Variants in RALGPS2 observed in about 807,000 individuals in gnomAD.
RALGPS2 encodes the protein Ral GEF with PH domain and SH3 binding motif 2.
RALGPS2 carries 43 observed loss-of-function variants against 86.8 expected under a neutral mutation model. The ratio of observed to expected loss-of-function variants is 0.50; its 90% confidence interval spans 0.39 to 0.64. The LOEUF is 0.64. Ranked by LOEUF, RALGPS2 falls within the 30% of genes least tolerant of loss-of-function variation. RALGPS2 has a pLI of 0.00. For synonymous variants in RALGPS2, 243 were observed against 231.3 expected (o/e 1.05, Z -0.46); for missense variants, 536 against 694.6 (o/e 0.77, Z 2.57).
At chr1:178,838,257 A>T (rs1048570053) in intron 8 of RALGPS2, among the ~76,000 whole-genome samples, 3 of 152,212 alleles carry the variant, frequency 2.0e-5, no homozygotes, top group African/African-American at 7.2e-5. Flanking sequence ...CAAGTAGCCT[A>T]ACTGGGAGAC....
intron 8 of RALGPS2, among the ~76,000 whole-genome samples, chr1:178,848,628 A>G (rs1175176629): frequency 4.6e-5 from 7 of 152,226 alleles, no homozygotes; most frequent in Non-Finnish European, 7.3e-5. Flanking sequence ...TAATGGATCA[A>G]TGTAATTTCA....
intron 6 of RALGPS2, 148 bp from the exon 7 acceptor site, chr1:178,821,464 C>T (rs138483382): frequency 1.7e-6 from 1 of 583,136 alleles, no homozygotes; most frequent in Non-Finnish European, 3.0e-6. Flanking sequence ...AGTGTAAACA[C>T]AGGGTACTCT....
intron 1 of RALGPS2, among the ~76,000 whole-genome samples, chr1:178,766,878 A>G (rs766656892): frequency 1.1e-4 from 16 of 152,196 alleles, no homozygotes; most frequent in South Asian, 2.1e-4. Context: ...AGGGATGCCA[A>G]TGAGTCGTAG....
rs116515510 is a variant in RALGPS2 at position 178,782,462 on chromosome 1, A to G, written c.58-1956A>G. ...TCTCCACCTGCCCTCAAGGGAAACT[A>G]CTTCACCAGAGCCTAACCTACTTGG... On this transcript the variant is annotated intron_variant, in intron 2 of 19. Transcript: ENST00000367635. 4.4e-3 allele frequency among the ~76,000 whole-genome samples: 670 copies of G among 152,246 alleles called. 3 individuals carry two copies. Among genetic ancestry groups the G allele is most frequent in the Middle Eastern group, 0.014 (4 of 294 alleles).
At chr1:178,755,956 A>G (rs1174588139) in intron 1 of RALGPS2, among the ~76,000 whole-genome samples, 1 of 151,980 alleles carries the variant, frequency 6.6e-6, no homozygotes, top group African/African-American at 2.4e-5. Context: ...GAACATTTTT[A>G]TATGTTTCTT....
chr1:178,731,571 C>T (rs1393487277), intron 1 of RALGPS2, among the ~76,000 whole-genome samples: 1 of 152,162 alleles, frequency 6.6e-6, no homozygotes. Context: ...GTGTGAGCCA[C>T]TGTGCCTGGC....
At chr1:178,814,374 G>A (rs926286829) in intron 6 of RALGPS2, among the ~76,000 whole-genome samples, 1 of 152,180 alleles carries the variant, frequency 6.6e-6, no homozygotes. Context: ...TGGTGCTTAT[G>A]TGACGGTTGA....
chr1:178,735,110 G>T (rs765461356), intron 1 of RALGPS2, among the ~76,000 whole-genome samples: 8 of 152,134 alleles, frequency 5.3e-5, no homozygotes, highest in Non-Finnish European at 1.0e-4. Flanking sequence ...AACAAAAAAA[G>T]GGGATAAATA....
rs142369364 is a variant in RALGPS2, at chr1:178,869,487, C to A, written c.608-8011C>A. Among the ~76,000 whole-genome samples, 271 of 152,114 alleles carry A rather than the reference C, an allele frequency of 1.8e-3. 3 individuals carry two copies. Among genetic ancestry groups the A allele is most frequent in the East Asian group, 7.7e-3 (40 of 5,176 alleles). On this transcript the variant is annotated intron_variant, in intron 8 of 19. Coordinates refer to ENST00000367635, the MANE Select transcript of RALGPS2 (RefSeq NM_152663.5). ...TGTAATTTGGGGTTCAGATTAAATG[C>A]CTGCCTTAAGACAGCGTCAGTAAGA...
intron 14 of RALGPS2, among the ~76,000 whole-genome samples, chr1:178,889,967 A>G (rs761036965): frequency 7.2e-5 from 11 of 152,002 alleles, no homozygotes; most frequent in Non-Finnish European, 1.6e-4. Context: ...ATAACCGATC[A>G]TCGACAAGTA....
At chr1:178,832,212 A>G (rs553758750) in intron 7 of RALGPS2, among the ~76,000 whole-genome samples, 2 of 152,322 alleles carry the variant, frequency 1.3e-5, no homozygotes, top group South Asian at 4.1e-4. Flanking sequence ...GCTGTTTTAG[A>G]CCATGGAATA....
chr1:178,752,645 A>G (rs949603021), intron 1 of RALGPS2, among the ~76,000 whole-genome samples: 3 of 152,234 alleles, frequency 2.0e-5, no homozygotes, highest in Non-Finnish European at 4.4e-5. Flanking sequence ...TTATATAGTA[A>G]TGTGAATAAG....
intron 19 of RALGPS2, among the ~76,000 whole-genome samples, chr1:178,913,773 G>C (rs937960604): frequency 2.6e-5 from 4 of 152,202 alleles, no homozygotes; most frequent in East Asian, 1.9e-4. Context: ...CTCCTGGGCT[G>C]TGTCCTGTAA....
At chr1:178,786,738 A>G (rs1380477570) in intron 4 of RALGPS2, among the ~76,000 whole-genome samples, 12 of 151,944 alleles carry the variant, frequency 7.9e-5, no homozygotes, top group Admixed American at 7.2e-4. Context: ...ATACTACAAA[A>G]TAGATACAAT....
rs1443368433 is a variant in RALGPS2 at position 178,886,010 on chromosome 1, C to T, written c.1082C>T (p.Thr361Met). ...KMNTAEFKSA[T>M]FPNAGPRHLL... ...AACACAGCAGAATTTAAGAGTGCAACGTTTCCAAATGCAGGACCAAGACAT... is the reference window on the plus strand; with the variant it reads ...AACACAGCAGAATTTAAGAGTGCAATGTTTCCAAATGCAGGACCAAGACAT... Residue 361 changes from threonine to methionine, a missense_variant, in exon 13 of 20, where the codon ACG (threonine) becomes ATG (methionine). Thr to Met is a moderately conservative substitution (Grantham distance 81). Transcript: ENST00000367635. 2 of 1,611,290 alleles carry T rather than the reference C, an allele frequency of 1.2e-6. No homozygotes were observed. Among genetic ancestry groups the T allele is most frequent in the Non-Finnish European group, 1.7e-6 (2 of 1,178,740 alleles).
chr1:178,735,016 G>A (rs961778248), intron 1 of RALGPS2, among the ~76,000 whole-genome samples: 4 of 152,020 alleles, frequency 2.6e-5, no homozygotes, highest in East Asian at 1.9e-4. Flanking sequence ...TTATGAAACC[G>A]CCAAAACCAT....
chr1:178,882,070 C>T (rs74546541), intron 10 of RALGPS2, among the ~76,000 whole-genome samples: 1 of 152,114 alleles, frequency 6.6e-6, no homozygotes, highest in Non-Finnish European at 1.5e-5. Flanking sequence ...GAATCAGCAT[C>T]TCTATTATAA....
intron 1 of RALGPS2, among the ~76,000 whole-genome samples, chr1:178,765,414 G>T (rs1652454243): frequency 6.6e-6 from 1 of 152,080 alleles, no homozygotes; most frequent in Non-Finnish European, 1.5e-5. Flanking sequence ...TTTTATTAGT[G>T]ATTTTCAAAA....
intron 1 of RALGPS2, among the ~76,000 whole-genome samples, chr1:178,752,556 AT>A (rs1290175414): frequency 1.3e-5 from 2 of 152,190 alleles, no homozygotes; most frequent in Non-Finnish European, 2.9e-5. Context: ...AGAAGGAAGA[AT>A]TTAGAGTAAA....
Sources: gnomAD v4.1 joint callset for allele counts (sites outside exome capture counted in the v4.1 genomes callset) on GRCh38, gnomAD v4.1.1 for gene constraint, MANE v1.5 for transcripts, NCBI Gene and HGNC (gene_info 2026-07-23, HGNC 2026-07-21) for gene names.